Variants in CDKAL1 observed in about 807,000 individuals in gnomAD.
CDKAL1 encodes the protein threonylcarbamoyladenosine tRNA methylthiotransferase.
CDKAL1 carries 32 observed loss-of-function variants against 68.2 expected under a neutral mutation model. That is an observed-to-expected ratio of 0.47 (90% CI 0.35 to 0.63). CDKAL1 has a LOEUF of 0.63. Ranked by LOEUF, CDKAL1 falls within the 30% of genes least tolerant of loss-of-function variation. The pLI, the probability that CDKAL1 is intolerant of heterozygous loss-of-function variation, is 0.00. For synonymous variants in CDKAL1, 234 were observed against 244.3 expected (o/e 0.96, Z 0.39); for missense variants, 606 against 696.7 (o/e 0.87, Z 1.47).
rs968788836 is a variant in CDKAL1 at position 20,558,773 on chromosome 6, GT to G, written c.286+10069del. On this transcript the variant is annotated intron_variant, in intron 4 of 15. Transcript: ENST00000274695. ...AAGGCGTTACAATACATTTTTAAGAGTGGAAATTGCATTGAAGAGTGGAAGA... is the reference window on the plus strand; with the variant it reads ...AAGGCGTTACAATACATTTTTAAGAGGGAAATTGCATTGAAGAGTGGAAGA... 9.1e-5 allele frequency: 32 copies of G among 353,558 alleles called. No homozygotes were observed. In the Admixed American group the frequency reaches 1.1e-3, roughly 12 times the overall value. 21.9% of individuals were successfully genotyped at this position (353,558 alleles called of 1,614,324 possible).
chr6:20,904,540 A>G (rs1762148221), intron 9 of CDKAL1, among the ~76,000 whole-genome samples: 2 of 152,160 alleles, frequency 1.3e-5, no homozygotes, highest in South Asian at 4.1e-4. Flanking sequence ...CTGTAATCCC[A>G]GCACTTTGGG....
intron 13 of CDKAL1, among the ~76,000 whole-genome samples, chr6:21,160,711 AT>A (rs916136271): frequency 6.2e-5 from 9 of 145,874 alleles, no homozygotes; most frequent in Non-Finnish European, 9.0e-5. Context: ...ATGTATATAT[AT>A]TTTTTAACTT....
chr6:20,574,199 G>A (rs16883935), intron 4 of CDKAL1, among the ~76,000 whole-genome samples: 13,805 of 152,128 alleles, frequency 0.091, 731 homozygotes, highest in African/African-American at 0.12. Flanking sequence ...CCTAGTCAGA[G>A]ACTTTGCAAA....
At chr6:21,164,495 C>A (rs910070790) in intron 13 of CDKAL1, among the ~76,000 whole-genome samples, 1 of 152,108 alleles carries the variant, frequency 6.6e-6, no homozygotes, top group Non-Finnish European at 1.5e-5. Context: ...ACACACAGAC[C>A]GGGGCTGGCC....
intron 12 of CDKAL1, among the ~76,000 whole-genome samples, chr6:21,092,734 T>TA (rs34756370): frequency 2.0e-3 from 270 of 133,430 alleles, no homozygotes; most frequent in Middle Eastern, 7.9e-3. Context: ...GACGAAAACT[T>TA]AAAAAAAAAA....
At chr6:20,766,173 C>CT (rs1774694289) in intron 7 of CDKAL1, among the ~76,000 whole-genome samples, 1 of 152,084 alleles carries the variant, frequency 6.6e-6, no homozygotes, top group African/African-American at 2.4e-5. Context: ...GTATTTATCG[C>CT]TTATATTTCC....
chr6:20,880,703 A>G (rs991634507), intron 9 of CDKAL1, among the ~76,000 whole-genome samples: 1 of 152,212 alleles, frequency 6.6e-6, no homozygotes, highest in Non-Finnish European at 1.5e-5. Flanking sequence ...GAATTCATAT[A>G]TAATGTGGGT....
At position 20,635,838 on chromosome 6, in the gene CDKAL1, A is replaced by G. The variant is rs183564080; in HGVS notation, c.287-13455A>G. ...CAAATTTATTTAAGTTTTATGTGAC[A>G]TGGGAACTTTCACAAGGAAATGAAG... On this transcript the variant is annotated intron_variant, in intron 4 of 15. Transcript: ENST00000274695. Among the ~76,000 whole-genome samples, 61 of 152,358 alleles carry G rather than the reference A, an allele frequency of 4.0e-4. 1 individual carries two copies. In the East Asian group the frequency reaches 0.01, roughly 25 times the overall value.
intron 15 of CDKAL1, among the ~76,000 whole-genome samples, chr6:21,221,878 T>C (rs1779551087): frequency 6.6e-6 from 1 of 152,002 alleles, no homozygotes; most frequent in South Asian, 2.1e-4. Flanking sequence ...TTACAGAGAG[T>C]AATAATTAGG....
chr6:20,910,281 A>T (rs1762409552), intron 9 of CDKAL1, among the ~76,000 whole-genome samples: 1 of 152,170 alleles, frequency 6.6e-6, no homozygotes, highest in Non-Finnish European at 1.5e-5. Context: ...GGTAGTTCTT[A>T]TGGGAGATGT....
intron 10 of CDKAL1, among the ~76,000 whole-genome samples, chr6:20,994,002 C>T (rs1766974572): frequency 6.6e-6 from 1 of 152,168 alleles, no homozygotes. Context: ...TCAACTGCTC[C>T]CCCTCCCATG....
chr6:20,848,287 T>TTTGTTTGTTTGTTTG (rs1554130323), intron 9 of CDKAL1, among the ~76,000 whole-genome samples: 2,329 of 59,288 alleles, frequency 0.039, 42 homozygotes, highest in African/African-American at 0.12. Context: ...TTGTTTTTTT[T>TTTGTTTGTTTGTTTG]TTTTTTCCAA....
chr6:20,892,126 A>G (rs1356399655), intron 9 of CDKAL1, among the ~76,000 whole-genome samples: 1 of 152,238 alleles, frequency 6.6e-6, no homozygotes, highest in African/African-American at 2.4e-5. Flanking sequence ...AATGAAGAAG[A>G]CATGGGGACA....
rs571253665 is a variant in CDKAL1 at position 21,114,902 on chromosome 6, A to T, written c.1299+6439A>T. 5.6e-4 allele frequency among the ~76,000 whole-genome samples: 86 copies of T among 152,336 alleles called. 3 individuals are homozygous for T. In the East Asian group the frequency reaches 0.01, roughly 18 times the overall value. On this transcript the variant is annotated intron_variant, in intron 13 of 15. Coordinates refer to ENST00000274695, the MANE Select transcript of CDKAL1 (RefSeq NM_017774.3). ...TAATCACACTTCCTATGACTACCTT[A>T]AGAACTGTTGTTAATTCATATCTGC...
At chr6:20,580,147 T>G (rs1765081524) in intron 4 of CDKAL1, among the ~76,000 whole-genome samples, 1 of 152,212 alleles carries the variant, frequency 6.6e-6, no homozygotes, top group Non-Finnish European at 1.5e-5. Context: ...AGTATTTTAT[T>G]ACCACATGAG....
chr6:21,077,180 G>A (rs1772118372), intron 12 of CDKAL1, among the ~76,000 whole-genome samples: 1 of 152,052 alleles, frequency 6.6e-6, no homozygotes, highest in Non-Finnish European at 1.5e-5. Context: ...TAGATGGTTG[G>A]TGTAAATATG....
chr6:20,710,185 T>C (rs1771783481), intron 5 of CDKAL1, among the ~76,000 whole-genome samples: 1 of 152,066 alleles, frequency 6.6e-6, no homozygotes, highest in East Asian at 1.9e-4. Context: ...GGCATTTAAA[T>C]AAAAAAAGTA....
At chr6:20,818,733 T>C (rs894561067) in intron 8 of CDKAL1, among the ~76,000 whole-genome samples, 7 of 150,480 alleles carry the variant, frequency 4.7e-5, no homozygotes, top group South Asian at 2.1e-4. Context: ...TATATAGTTA[T>C]ATACTTAATA....
At chr6:20,937,724 T>A (rs1312714757) in intron 9 of CDKAL1, among the ~76,000 whole-genome samples, 5 of 152,212 alleles carry the variant, frequency 3.3e-5, no homozygotes, top group Non-Finnish European at 7.3e-5. Flanking sequence ...TATGCATTTT[T>A]GGCAAGAGTA....
Sources: allele counts gnomAD v4.1 joint callset (sites outside exome capture counted in the v4.1 genomes callset), GRCh38; gene constraint gnomAD v4.1.1; transcripts MANE v1.5; gene names NCBI Gene and HGNC (gene_info 2026-07-23, HGNC 2026-07-21).